Variants in HS3ST4 observed in about 807,000 individuals in gnomAD.
The protein encoded by HS3ST4 is heparan sulfate-glucosamine 3-sulfotransferase 4.
A neutral mutation model predicts 29.2 loss-of-function variants in HS3ST4; 17 were observed. The observed-to-expected ratio is 0.58, with a 90% confidence interval of 0.40 to 0.87. The LOEUF (loss-of-function observed/expected upper bound fraction) is 0.87, where lower values mean the gene tolerates loss of function less well. HS3ST4 is among the 40% of genes least tolerant of loss of function. The pLI is 0.00. For missense variants in HS3ST4, 627 were observed against 634.5 expected (o/e 0.99, Z 0.13); for synonymous variants, 314 against 285.7 (o/e 1.10, Z -1.00).
At chr16:26,029,899 C>T (rs1324077587) in intron 1 of HS3ST4, among the ~76,000 whole-genome samples, 6 of 152,184 alleles carry the variant, frequency 3.9e-5, no homozygotes, top group African/African-American at 1.4e-4. Context: ...CAGGATATGT[C>T]CTTTCTTAAC....
At chr16:25,777,931 A>G (rs1174042642) in intron 1 of HS3ST4, among the ~76,000 whole-genome samples, 1 of 152,180 alleles carries the variant, frequency 6.6e-6, no homozygotes, top group African/African-American at 2.4e-5. Flanking sequence ...TTCCATTTGC[A>G]TAGAGAGAGA....
At chr16:25,726,865 T>C (rs1213403446) in intron 1 of HS3ST4, among the ~76,000 whole-genome samples, 1 of 152,198 alleles carries the variant, frequency 6.6e-6, no homozygotes, top group Non-Finnish European at 1.5e-5. Flanking sequence ...TTCTCACATA[T>C]GCTGCCAAAA....
At chr16:25,799,190 A>G (rs1240091991) in intron 1 of HS3ST4, among the ~76,000 whole-genome samples, 1 of 152,154 alleles carries the variant, frequency 6.6e-6, no homozygotes, top group African/African-American at 2.4e-5. Flanking sequence ...CTGGAAGTGG[A>G]TGGAGGTGTT....
chr16:25,801,144 G>C (rs1310707654), intron 1 of HS3ST4, among the ~76,000 whole-genome samples: 11 of 152,012 alleles, frequency 7.2e-5, no homozygotes, highest in Non-Finnish European at 1.6e-4. Flanking sequence ...TGGTCTGGGG[G>C]ATTCATTTGG....
intron 1 of HS3ST4, among the ~76,000 whole-genome samples, chr16:25,773,483 AC>A (rs1266287712): frequency 2.0e-5 from 3 of 152,166 alleles, no homozygotes; most frequent in African/African-American, 7.2e-5. Flanking sequence ...CAGGGGTTGT[AC>A]CTCATAAACC....
intron 1 of HS3ST4, among the ~76,000 whole-genome samples, chr16:26,074,295 T>C (rs1362310166): frequency 6.6e-6 from 1 of 152,162 alleles, no homozygotes; most frequent in Non-Finnish European, 1.5e-5. Flanking sequence ...CACAAACAAT[T>C]TTTTTTTCTG....
intron 1 of HS3ST4, among the ~76,000 whole-genome samples, chr16:25,807,681 C>T (rs981978211): frequency 7.2e-5 from 11 of 152,200 alleles, no homozygotes; most frequent in Non-Finnish European, 1.0e-4. Flanking sequence ...TGCCCAAGAG[C>T]GCAGTTGGTG....
At chr16:26,014,714 T>C (rs1346144221) in intron 1 of HS3ST4, among the ~76,000 whole-genome samples, 1 of 152,224 alleles carries the variant, frequency 6.6e-6, no homozygotes, top group Non-Finnish European at 1.5e-5. Context: ...ATGGTGTATA[T>C]GTGTCATATT....
intron 1 of HS3ST4, among the ~76,000 whole-genome samples, chr16:25,871,026 A>G (rs971575155): frequency 6.6e-6 from 1 of 152,222 alleles, no homozygotes. Context: ...ATCAAATCAC[A>G]TGGGTAGAAT....
At chr16:25,743,931 C>A (rs1374218477) in intron 1 of HS3ST4, among the ~76,000 whole-genome samples, 4 of 152,202 alleles carry the variant, frequency 2.6e-5, no homozygotes, top group Non-Finnish European at 5.9e-5. Context: ...TTCCCATAGT[C>A]TTTATCACAC....
chr16:25,697,051 T>G (rs190546149), intron 1 of HS3ST4, among the ~76,000 whole-genome samples: 15 of 152,340 alleles, frequency 9.8e-5, no homozygotes, highest in African/African-American at 3.6e-4. Flanking sequence ...TTTCTTCCCT[T>G]GTACCACACT....
intron 1 of HS3ST4, among the ~76,000 whole-genome samples, chr16:25,741,461 G>C (rs920470845): frequency 6.6e-6 from 1 of 151,176 alleles, no homozygotes; most frequent in East Asian, 1.9e-4. Context: ...GTACTTTGAG[G>C]GTCCTGCTTC....
At chr16:25,727,041 G>A (rs1050820254) in intron 1 of HS3ST4, among the ~76,000 whole-genome samples, 3 of 151,990 alleles carry the variant, frequency 2.0e-5, no homozygotes, top group African/African-American at 7.3e-5. Context: ...CTATCCATAG[G>A]TCTACTTAAC....
intron 1 of HS3ST4, among the ~76,000 whole-genome samples, chr16:25,737,989 C>T (rs1245961029): frequency 3.3e-5 from 5 of 151,638 alleles, no homozygotes; most frequent in African/African-American, 1.2e-4. Flanking sequence ...ACTGCAACCT[C>T]CGCCTCCTGG....
chr16:25,804,726 C>A (rs1966973347), intron 1 of HS3ST4, among the ~76,000 whole-genome samples: 1 of 151,908 alleles, frequency 6.6e-6, no homozygotes, highest in Admixed American at 6.6e-5. Flanking sequence ...TTGTTATTTG[C>A]CCCCCAAAAC....
intron 1 of HS3ST4, among the ~76,000 whole-genome samples, chr16:25,934,508 G>A (rs1968499256): frequency 1.3e-5 from 2 of 152,308 alleles, no homozygotes; most frequent in South Asian, 4.1e-4. Context: ...TTGCAGCATT[G>A]TGGGCTCCTG....
At position 25,838,639 on chromosome 16, in the gene HS3ST4, T is replaced by C. The variant is rs9937224; in HGVS notation, c.734+145488T>C. ...GGGTTTATTTCTCACGCTCTGTCTTTAGAACACCAGTCCCTTCTAAGTCTT... is the reference window on the plus strand; with the variant it reads ...GGGTTTATTTCTCACGCTCTGTCTTCAGAACACCAGTCCCTTCTAAGTCTT... On this transcript the variant is annotated intron_variant, in intron 1 of 1. Transcript: ENST00000331351. 3.0e-3 allele frequency among the ~76,000 whole-genome samples: 461 copies of C among 152,316 alleles called. 2 individuals are homozygous for C. Among genetic ancestry groups the C allele is most frequent in the African/African-American group, 0.011 (437 of 41,570 alleles).
At chr16:25,736,910 G>A (rs1049810448) in intron 1 of HS3ST4, among the ~76,000 whole-genome samples, 8 of 152,012 alleles carry the variant, frequency 5.3e-5, no homozygotes, top group African/African-American at 1.2e-4. Context: ...GTGCAGTGGC[G>A]TGATCTCGGC....
intron 1 of HS3ST4, among the ~76,000 whole-genome samples, chr16:25,796,054 C>A (rs942217542): frequency 2.8e-4 from 42 of 152,040 alleles, no homozygotes; most frequent in African/African-American, 9.2e-4. Flanking sequence ...TCTCACTGAC[C>A]TGTTCTTTCC....
Sources: allele counts gnomAD v4.1 joint callset (sites outside exome capture counted in the v4.1 genomes callset), GRCh38; gene constraint gnomAD v4.1.1; transcripts MANE v1.5; gene names NCBI Gene and HGNC (gene_info 2026-07-23, HGNC 2026-07-21).